The following CACNA1C variants were observed in gnomAD, a reference collection of about 807,000 sequenced individuals.
The protein encoded by CACNA1C is voltage-dependent L-type calcium channel subunit alpha-1C.
CACNA1C carries 30 observed loss-of-function variants against 229.0 expected under a neutral mutation model. The ratio of observed to expected loss-of-function variants is 0.13; its 90% confidence interval spans 0.10 to 0.18. The LOEUF (loss-of-function observed/expected upper bound fraction) is 0.18, where lower values mean the gene tolerates loss of function less well. Among genes scored for constraint, CACNA1C ranks in the 10% least tolerant of loss-of-function variants. CACNA1C has a pLI of 1.00. For missense variants in CACNA1C, 1,658 were observed against 2,845.0 expected, an observed-to-expected ratio of 0.58 and a Z score of 9.49; for synonymous variants, 1,114 against 1,132.5, an observed-to-expected ratio of 0.98 and a Z score of 0.33.
chr12:2,318,938 A>C (rs1004220371), intron 3 of CACNA1C, among the ~76,000 whole-genome samples: 2 of 150,442 alleles, frequency 1.3e-5, no homozygotes, highest in Non-Finnish European at 2.9e-5. Flanking sequence ...GGAAGGAAGG[A>C]AGGCAGGCAG....
chr12:2,697,173 A>C lies in CACNA1C; in HGVS notation c.*5974A>C. ...ATGCATCCAGCTGCAGCCCATACCC[A>C]CACCTGAAATCCATCTCTTGAATCC... On this transcript the variant is annotated 3_prime_UTR_variant, in exon 47 of 47. Coordinates refer to ENST00000399655, the MANE Select transcript of CACNA1C (RefSeq NM_000719.7). 6.6e-6 allele frequency: 1 copy of C among 152,500 alleles called. No individual in the cohort carries two copies. The allele number at this position is 152,500 out of a possible 1,614,324, so 9.4% of individuals were successfully genotyped here. A position where few individuals can be genotyped will look rare whatever the true frequency, so the allele number is the denominator to read the frequency against.
chr12:2,615,775 C>T (rs1441143514), intron 29 of CACNA1C, among the ~76,000 whole-genome samples: 1 of 152,202 alleles, frequency 6.6e-6, no homozygotes, highest in African/African-American at 2.4e-5. Flanking sequence ...GATGATGTCA[C>T]TTAGTTGCCT....
chr12:2,457,681 C>G lies in CACNA1C; in HGVS notation c.732C>G (p.Pro244=). The part of the protein sequence containing the change: ...KALRAFRVLR[P]LRLVSGVPSL... The stretch of plus-strand genomic sequence containing the variant: ...TGAGGGCCTTCCGCGTGCTGCGCCC[C>G]CTGCGGCTGGTGTCCGGAGTCCCAA... Residue 244 remains proline (P), a synonymous_variant, in exon 5 of 47, where the codon CCC becomes CCG. Transcript: ENST00000399655. The G allele has an allele frequency of 6.2e-7, 1 of 1,601,218 alleles. No homozygotes were observed. The highest frequency in any genetic ancestry group is 8.5e-7 in the Non-Finnish European group (1 of 1,174,592).
Position 2,115,410 on chromosome 12 carries a change from C to T in CACNA1C, c.236C>T (p.Thr79Met), listed in dbSNP as rs749031775. 15 of 1,612,226 alleles carry T rather than the reference C, an allele frequency of 9.3e-6. No individual in the cohort carries two copies. The highest frequency in any genetic ancestry group is 2.2e-5 in the East Asian group (1 of 44,876). The change falls in exon 2 of 47, where the codon ACG becomes ATG. Residue 79 changes from threonine to methionine, a missense_variant. Physicochemically the swap from Thr to Met is moderately conservative, Grantham distance 81 (BLOSUM62 -1). Coordinates refer to ENST00000399655, the MANE Select transcript of CACNA1C (RefSeq NM_000719.7). ...GNATISTVSS[T>M]QRKRQQYGKP... ...GCGACCATCTCCACAGTCAGCTCCA[C>T]GCAGCGGAAGCGGCAGCAATATGGG...
At chr12:2,035,965 G>A (rs748794731) in intron 1 of CACNA1C, among the ~76,000 whole-genome samples, 12 of 152,140 alleles carry the variant, frequency 7.9e-5, no homozygotes, top group Non-Finnish European at 1.3e-4. Flanking sequence ...CAGGGGAGGA[G>A]AGGATTCTGG....
rs545402411 is a variant in CACNA1C at position 2,292,658 on chromosome 12, G to A, written c.478-156318G>A. On this transcript the variant is annotated intron_variant, in intron 3 of 46. Transcript: ENST00000399655. ...CAGGCTAGAGGGACTGAAGGGATGT[G>A]CAGAGGTTGGTGGAGAGGGTGAGCA... Among the ~76,000 whole-genome samples, 6 of 152,344 alleles carry A rather than the reference G, an allele frequency of 3.9e-5. No individual in the cohort carries two copies. In the South Asian group the frequency reaches 1.2e-3, roughly 32 times the overall value.
At chr12:2,115,081 T>C in intron 1 of CACNA1C, 143 bp from the exon 2 acceptor site, 3 of 657,642 alleles carry the variant, frequency 4.6e-6, no homozygotes, top group Non-Finnish European at 7.7e-6. Flanking sequence ...CTCACACTCA[T>C]GTTTCCACGT....
At chr12:2,614,856 T>G (rs887334) in intron 29 of CACNA1C, 97,998 of 151,892 alleles carry the variant, frequency 0.65, 34,550 homozygotes, top group Non-Finnish European at 0.77. Context: ...GTCATGGATG[T>G]TCCCAATTTC....
chr12:2,536,405 G>A (rs1021739684), intron 9 of CACNA1C, among the ~76,000 whole-genome samples: 4 of 152,160 alleles, frequency 2.6e-5, no homozygotes, highest in Non-Finnish European at 4.4e-5. Flanking sequence ...TCCGTGATGT[G>A]CATCAATGGT....
chr12:2,089,817 A>G (rs1420594551), intron 1 of CACNA1C, among the ~76,000 whole-genome samples: 3 of 151,914 alleles, frequency 2.0e-5, no homozygotes, highest in East Asian at 1.9e-4. Flanking sequence ...GGCGGATCAC[A>G]AGGTCGGGAG....
chr12:2,631,902 GA>G (rs2153560024), intron 29 of CACNA1C, among the ~76,000 whole-genome samples: 1 of 152,338 alleles, frequency 6.6e-6, no homozygotes, highest in African/African-American at 2.4e-5. Context: ...GGTCCCTCTG[GA>G]AAGAGGGCAT....
At chr12:2,322,721 A>C (rs2096070337) in intron 3 of CACNA1C, among the ~76,000 whole-genome samples, 1 of 152,206 alleles carries the variant, frequency 6.6e-6, no homozygotes, top group African/African-American at 2.4e-5. Flanking sequence ...GTTGCACGGC[A>C]GTTATGCTGT....
intron 30 of CACNA1C, among the ~76,000 whole-genome samples, chr12:2,644,471 T>C (rs1447481583): frequency 6.6e-6 from 1 of 152,186 alleles, no homozygotes; most frequent in Non-Finnish European, 1.5e-5. Context: ...TTTAAAAAAA[T>C]AATAATTTTT....
At chr12:2,507,158 T>C (rs1334788597) in intron 8 of CACNA1C, among the ~76,000 whole-genome samples, 1 of 152,244 alleles carries the variant, frequency 6.6e-6, no homozygotes, top group African/African-American at 2.4e-5. Flanking sequence ...TACGCTGGTC[T>C]TTCCTGGAGA....
rs112910593 is a variant in CACNA1C at position 2,682,380 on chromosome 12, A to G, written c.5445-170A>G. ...GAACACTTCTATGGATCCATCAGCA[A>G]TCACAGGAGAACAAAGCACCAGCAA... is the stretch of plus-strand genomic sequence containing the variant. On this transcript the variant is annotated intron_variant, in intron 42 of 46. Coordinates refer to ENST00000399655, the MANE Select transcript of CACNA1C (RefSeq NM_000719.7). Among the ~76,000 whole-genome samples, 2,917 of 152,264 alleles carry G rather than the reference A, an allele frequency of 0.019. 67 individuals are homozygous for G. The highest frequency in any genetic ancestry group is 0.049 in the African/African-American group (2,039 of 41,546).
At chr12:2,642,531 T>C (rs978395246) in intron 30 of CACNA1C, among the ~76,000 whole-genome samples, 1 of 152,172 alleles carries the variant, frequency 6.6e-6, no homozygotes, top group African/African-American at 2.4e-5. Flanking sequence ...GGCTCAAAGA[T>C]ACGTAGGGTG....
intron 1 of CACNA1C, among the ~76,000 whole-genome samples, chr12:2,079,614 G>A (rs954159507): frequency 4.6e-5 from 7 of 152,116 alleles, no homozygotes; most frequent in African/African-American, 1.7e-4. Context: ...ATCACACTGG[G>A]AGTCCAGTGC....
At chr12:2,135,022 C>G (rs1351246835) in intron 3 of CACNA1C, among the ~76,000 whole-genome samples, 5 of 140,080 alleles carry the variant, frequency 3.6e-5, no homozygotes, top group East Asian at 2.1e-4. Flanking sequence ...ATTCTTTTTT[C>G]TCTAAACTTC....
At chr12:2,607,315 C>G in intron 26 of CACNA1C, 185 bp downstream of exon 26, 1 of 576,868 alleles carries the variant, frequency 1.7e-6, no homozygotes, top group Non-Finnish European at 2.9e-6. Context: ...GAAACCGACT[C>G]TTCTTTCTCT....
Sources: allele counts gnomAD v4.1 joint callset (sites outside exome capture counted in the v4.1 genomes callset), GRCh38; gene constraint gnomAD v4.1.1; transcripts MANE v1.5; gene names NCBI Gene and HGNC (gene_info 2026-07-23, HGNC 2026-07-21).